The following SPAG17 variants were observed in gnomAD, a reference collection of about 807,000 sequenced individuals.
SPAG17 encodes the protein sperm associated antigen 17.
In SPAG17, 169 loss-of-function variants were observed where a neutral mutation model predicts 273.6. The observed-to-expected ratio is 0.62, with a 90% confidence interval of 0.55 to 0.70. The LOEUF (loss-of-function observed/expected upper bound fraction) is 0.70, where lower values mean the gene tolerates loss of function less well. SPAG17 is among the 30% of genes least tolerant of loss of function. The pLI is 0.00. For missense variants in SPAG17, 2,557 were observed against 2,627.8 expected (o/e 0.97, Z 0.59); for synonymous variants, 825 against 873.2 (o/e 0.94, Z 0.97).
intron 4 of SPAG17, among the ~76,000 whole-genome samples, chr1:118,103,446 C>T (rs777327221): frequency 7.9e-5 from 12 of 152,186 alleles, no homozygotes; most frequent in Non-Finnish European, 1.5e-4. Flanking sequence ...CAGCCTTCCT[C>T]AGCAGCAGAG....
At chr1:118,068,501 T>C (rs1400614957) in intron 17 of SPAG17, among the ~76,000 whole-genome samples, 1 of 152,186 alleles carries the variant, frequency 6.6e-6, no homozygotes, top group African/African-American at 2.4e-5. Context: ...TTGAAATCTT[T>C]GGGTTTTCAT....
chr1:117,980,486 C>A (rs1266916863), intron 43 of SPAG17, among the ~76,000 whole-genome samples: 2 of 152,180 alleles, frequency 1.3e-5, no homozygotes, highest in Admixed American at 1.3e-4. Flanking sequence ...CCCACCTCAG[C>A]CTCTTAAAGT....
chr1:118,092,137 A>G, intron 8 of SPAG17, 135 bp from the exon 9 acceptor site: 1 of 732,096 alleles, frequency 1.4e-6, no homozygotes, highest in South Asian at 1.7e-5. Flanking sequence ...TCATCTGCTA[A>G]TATTAGAACC....
In SPAG17 at chr1:118,102,356, C is replaced by T. The variant is rs147106240; in HGVS notation, c.448-430G>A. ...GTGGGGTTGGTTATTAAAAACAAAA[C>T]AAGAATTAAAAATAAAAAGGAAAAT... On this transcript the variant is annotated intron_variant, in intron 4 of 48. Coordinates refer to ENST00000336338, the MANE Select transcript of SPAG17 (RefSeq NM_206996.4). 3.3e-3 allele frequency among the ~76,000 whole-genome samples: 495 copies of T among 152,242 alleles called. 2 individuals are homozygous for T. The highest frequency in any genetic ancestry group is 5.4e-3 in the Non-Finnish European group (370 of 68,010).
chr1:118,080,423 G>T (rs1482835790), intron 15 of SPAG17, among the ~76,000 whole-genome samples: 3 of 152,150 alleles, frequency 2.0e-5, no homozygotes, highest in Non-Finnish European at 4.4e-5. Flanking sequence ...AACACAGAGT[G>T]TGTGAGCAAC....
intron 43 of SPAG17, among the ~76,000 whole-genome samples, chr1:117,979,597 T>A (rs988785602): frequency 6.6e-6 from 1 of 152,186 alleles, no homozygotes; most frequent in Non-Finnish European, 1.5e-5. Flanking sequence ...AAAATAAAAA[T>A]TAGCCATGTA....
intron 4 of SPAG17, among the ~76,000 whole-genome samples, chr1:118,108,483 C>A (rs2102238566): frequency 6.6e-6 from 1 of 152,280 alleles, no homozygotes; most frequent in Non-Finnish European, 1.5e-5. Context: ...CAAGTTAGTT[C>A]ATACAAACTC....
At chr1:118,134,779 C>A (rs138351197) in intron 3 of SPAG17, among the ~76,000 whole-genome samples, 1 of 152,284 alleles carries the variant, frequency 6.6e-6, no homozygotes, top group African/African-American at 2.4e-5. Context: ...ATCAGAGATA[C>A]CATCTAGAGT....
chr1:117,957,917 A>G (rs1652454737), intron 48 of SPAG17, among the ~76,000 whole-genome samples: 2 of 152,234 alleles, frequency 1.3e-5, no homozygotes, highest in Admixed American at 6.5e-5. Flanking sequence ...AGGGGCATAT[A>G]TAGAGGTAAA....
chr1:118,098,752 A>G (rs1410225901), intron 6 of SPAG17, among the ~76,000 whole-genome samples: 3 of 152,132 alleles, frequency 2.0e-5, no homozygotes, highest in Non-Finnish European at 4.4e-5. Context: ...AATGTACTTA[A>G]TGTCCTTAGC....
intron 10 of SPAG17, among the ~76,000 whole-genome samples, chr1:118,090,053 T>C (rs180947412): frequency 4.6e-5 from 7 of 152,302 alleles, no homozygotes; most frequent in Admixed American, 4.6e-4. Context: ...CTCCTTTGTT[T>C]ATAAATTACC....
At chr1:117,960,108 TCGTG>T (rs1482889321) in intron 48 of SPAG17, 2 of 96,108 alleles carry the variant, frequency 2.1e-5, no homozygotes, top group East Asian at 6.3e-4. Flanking sequence ...ATTAATACAC[TCGTG>T]TGTGTGTGTG....
At chr1:118,003,724 T>C (rs930122045) in intron 32 of SPAG17, among the ~76,000 whole-genome samples, 1 of 152,216 alleles carries the variant, frequency 6.6e-6, no homozygotes, top group Non-Finnish European at 1.5e-5. Flanking sequence ...CTAAGCTTTT[T>C]TCAAGGTTTT....
intron 17 of SPAG17, among the ~76,000 whole-genome samples, chr1:118,068,350 C>T (rs1557982367): frequency 6.6e-6 from 1 of 151,990 alleles, no homozygotes; most frequent in Non-Finnish European, 1.5e-5. Context: ...AATATCTTTG[C>T]ATTTTAAAAT....
At chr1:118,169,379 C>T (rs1474471673) in intron 1 of SPAG17, among the ~76,000 whole-genome samples, 1 of 152,076 alleles carries the variant, frequency 6.6e-6, no homozygotes, top group Non-Finnish European at 1.5e-5. Flanking sequence ...TTGTAAATAT[C>T]GATGAAAGCA....
intron 20 of SPAG17, among the ~76,000 whole-genome samples, chr1:118,050,857 C>G (rs1469642496): frequency 1.3e-5 from 2 of 151,788 alleles, no homozygotes; most frequent in Non-Finnish European, 2.9e-5. Context: ...AATATAACCT[C>G]AAAAGCACAG....
At position 118,185,067 on chromosome 1, in the gene SPAG17, T is replaced by C. The variant is rs1453887081; in HGVS notation, c.87+4A>G. On this transcript the variant is annotated splice_donor_region_variant and intron_variant, in intron 1 of 48. Coordinates refer to ENST00000336338, the MANE Select transcript of SPAG17 (RefSeq NM_206996.4). Reference sequence around the variant, plus strand: ...AGGGAGGGCTTAAAGGGCTCAAGGCTCACCTGATTGAACTGTGCAGCTATG... The same window carrying C: ...AGGGAGGGCTTAAAGGGCTCAAGGCCCACCTGATTGAACTGTGCAGCTATG... 1.2e-6 allele frequency: 2 copies of C among 1,613,814 alleles called. No individual in the cohort carries two copies. The highest frequency in any genetic ancestry group is 1.7e-5 in the Admixed American group (1 of 60,024).
chr1:117,969,706 T>G (rs1188425811), intron 46 of SPAG17, among the ~76,000 whole-genome samples: 1 of 152,228 alleles, frequency 6.6e-6, no homozygotes, highest in Non-Finnish European at 1.5e-5. Context: ...GGAATAATTA[T>G]TTTTCACTTC....
intron 29 of SPAG17, among the ~76,000 whole-genome samples, chr1:118,012,708 A>G (rs528059722): frequency 3.9e-4 from 59 of 152,332 alleles, no homozygotes; most frequent in African/African-American, 1.3e-3. Flanking sequence ...GTTTCCTTGG[A>G]AACTACGGAG....
Sources: allele counts gnomAD v4.1 joint callset (sites outside exome capture counted in the v4.1 genomes callset), GRCh38; gene constraint gnomAD v4.1.1; transcripts MANE v1.5; gene names NCBI Gene and HGNC (gene_info 2026-07-23, HGNC 2026-07-21).